TUSC3: variants seen among roughly 807,000 people sequenced by gnomAD.
TUSC3 encodes dolichyl-diphosphooligosaccharide--protein glycosyltransferase subunit TUSC3.
TUSC3 carries 45 observed loss-of-function variants against 44.8 expected under a neutral mutation model. The observed-to-expected ratio is 1.00, with a 90% CI of 0.79 to 1.29. The LOEUF (loss-of-function observed/expected upper bound fraction) is 1.29. Ranked by LOEUF, TUSC3 falls within the 50% of genes most tolerant of loss-of-function variation. The pLI is 0.00. For missense variants in TUSC3, 519 were observed against 437.9 expected, an observed-to-expected ratio of 1.19 and a Z score of -1.65; for synonymous variants, 212 against 152.9, an observed-to-expected ratio of 1.39 and a Z score of -2.85.
At chr8:15,632,027 A>G (rs1340801562) in intron 2 of TUSC3, among the ~76,000 whole-genome samples, 1 of 152,110 alleles carries the variant, frequency 6.6e-6, no homozygotes, top group African/African-American at 2.4e-5. Context: ...TTATATAATT[A>G]GAACACCATT....
rs182741030 is a variant in TUSC3 at position 15,609,656 on chromosome 8, A to T, written c.139-13424A>T. Reference sequence around the variant, plus strand: ...CATATTTTGAGTCTTCAGAGAAAGTATCATGATTCCCATTATAATGATACT... The same window carrying T: ...CATATTTTGAGTCTTCAGAGAAAGTTTCATGATTCCCATTATAATGATACT... On this transcript the variant is annotated intron_variant, in intron 1 of 10. Coordinates refer to ENST00000503731, the MANE Select transcript of TUSC3 (RefSeq NM_006765.4). Among the ~76,000 whole-genome samples the T allele has an allele frequency of 3.5e-3, 539 of 152,286 alleles. 4 individuals are homozygous for T. Among genetic ancestry groups the T allele is most frequent in the African/African-American group, 0.013 (521 of 41,554 alleles).
intron 1 of TUSC3, among the ~76,000 whole-genome samples, chr8:15,419,406 A>G (rs981819976): frequency 1.3e-5 from 2 of 152,224 alleles, no homozygotes; most frequent in African/African-American, 4.8e-5. Context: ...GAAGTCAGTT[A>G]TCTTCTGATT....
intron 2 of TUSC3, among the ~76,000 whole-genome samples, chr8:15,647,058 A>G (rs567075552): frequency 3.3e-5 from 5 of 152,096 alleles, no homozygotes; most frequent in Admixed American, 6.5e-5. Flanking sequence ...TCTCTTTTAC[A>G]TACCAAATTC....
intron 10 of TUSC3, among the ~76,000 whole-genome samples, chr8:15,760,509 T>A (rs1167913457): frequency 6.6e-6 from 1 of 152,172 alleles, no homozygotes; most frequent in African/African-American, 2.4e-5. Context: ...AATACAAGAC[T>A]AAGTAACTGC....
intron 1 of TUSC3, among the ~76,000 whole-genome samples, chr8:15,438,358 A>G (rs1799978467): frequency 6.6e-6 from 1 of 152,126 alleles, no homozygotes; most frequent in African/African-American, 2.4e-5. Context: ...GGCCCCCCAA[A>G]GTGCTGGGAT....
At chr8:15,468,630 A>G (rs191810559) in intron 1 of TUSC3, among the ~76,000 whole-genome samples, 51 of 152,252 alleles carry the variant, frequency 3.3e-4, no homozygotes, top group African/African-American at 1.2e-3. Flanking sequence ...AGTAATAATC[A>G]TCTTGGTTTT....
intron 2 of TUSC3, among the ~76,000 whole-genome samples, chr8:15,514,597 A>G (rs562353617): frequency 2.8e-4 from 42 of 152,336 alleles, no homozygotes; most frequent in African/African-American, 9.6e-4. Context: ...TAGATGCATA[A>G]TTGCAATGTC....
chr8:15,791,269 GC>G, the TUSC3 span, among the ~76,000 whole-genome samples: 10 of 139,250 alleles, frequency 7.2e-5, no homozygotes, highest in East Asian at 2.1e-4. Context: ...GCCTCTTAGC[GC>G]CCCCCCCAAC....
At chr8:15,678,144 C>A (rs1808269233) in intron 6 of TUSC3, among the ~76,000 whole-genome samples, 2 of 152,122 alleles carry the variant, frequency 1.3e-5, no homozygotes, top group South Asian at 4.1e-4. Flanking sequence ...AACTTTCCTA[C>A]TACAGTGGTA....
At chr8:15,453,536 A>G (rs910253993) in intron 1 of TUSC3, among the ~76,000 whole-genome samples, 4 of 152,196 alleles carry the variant, frequency 2.6e-5, no homozygotes, top group Non-Finnish European at 5.9e-5. Context: ...CATTTATCAA[A>G]TCACTTTCTT....
At chr8:15,692,375 G>GTTTTTTTTTTTTTTT (rs59838929) in intron 6 of TUSC3, among the ~76,000 whole-genome samples, 22 of 68,348 alleles carry the variant, frequency 3.2e-4, no homozygotes, top group East Asian at 5.1e-4. Context: ...CCCCCCCTTT[G>GTTTTTTTTTTTTTTT]TTTTTTTTTT....
At chr8:15,685,912 T>C (rs62502120) in intron 6 of TUSC3, among the ~76,000 whole-genome samples, 1 of 29,800 alleles carries the variant, frequency 3.4e-5, no homozygotes, top group African/African-American at 1.2e-4. Context: ...ACTCTGCTCA[T>C]ATTAATTGTG....
intron 7 of TUSC3, among the ~76,000 whole-genome samples, chr8:15,742,669 C>A (rs376033394): frequency 2.0e-4 from 30 of 152,304 alleles, no homozygotes; most frequent in African/African-American, 7.0e-4. Flanking sequence ...ACAAGGGAAT[C>A]ATAATGAAAT....
intron 6 of TUSC3, among the ~76,000 whole-genome samples, chr8:15,730,016 T>A (rs987751023): frequency 6.6e-6 from 1 of 152,092 alleles, no homozygotes; most frequent in Non-Finnish European, 1.5e-5. Flanking sequence ...AATAGGACAT[T>A]TATTTAAAAC....
At chr8:15,642,416 G>A (rs1048798460) in intron 2 of TUSC3, among the ~76,000 whole-genome samples, 1 of 152,126 alleles carries the variant, frequency 6.6e-6, no homozygotes, top group Non-Finnish European at 1.5e-5. Context: ...ATAAATATAC[G>A]AAAGGGTTCC....
intron 1 of TUSC3, among the ~76,000 whole-genome samples, chr8:15,569,503 C>T (rs909029567): frequency 1.3e-5 from 2 of 152,086 alleles, no homozygotes; most frequent in Non-Finnish European, 2.9e-5. Context: ...ACATCTGGAT[C>T]TGGGCAAAGA....
the TUSC3 span, among the ~76,000 whole-genome samples, chr8:15,776,394 G>T: frequency 1.3e-5 from 2 of 152,002 alleles, no homozygotes; most frequent in Non-Finnish European, 2.9e-5. Context: ...TGGGAGAGAA[G>T]GCTATTGCTT....
intron 5 of TUSC3, among the ~76,000 whole-genome samples, chr8:15,672,510 A>G (rs536171234): frequency 9.9e-4 from 150 of 152,202 alleles, no homozygotes; most frequent in African/African-American, 3.5e-3. Flanking sequence ...AAGGTTGCAC[A>G]GGTGCTGAAG....
chr8:15,810,639 T>C, the TUSC3 span, among the ~76,000 whole-genome samples: 264 of 151,172 alleles, frequency 1.7e-3, 3 homozygotes, highest in Middle Eastern at 0.024. Flanking sequence ...TCCTATCTTG[T>C]GGCCAAGGAG....
Sources: allele counts gnomAD v4.1 joint callset (sites outside exome capture counted in the v4.1 genomes callset), GRCh38; gene constraint gnomAD v4.1.1; transcripts MANE v1.5; gene names NCBI Gene and HGNC (gene_info 2026-07-23, HGNC 2026-07-21).